Variants in ADAM12 observed in about 807,000 individuals in gnomAD.
ADAM12 encodes the protein disintegrin and metalloproteinase domain-containing protein 12.
ADAM12 carries 70 observed loss-of-function variants against 106.4 expected under a neutral mutation model. The ratio of observed to expected loss-of-function variants is 0.66; its 90% CI spans 0.54 to 0.80. The LOEUF is 0.80. ADAM12 is among the 30% of genes least tolerant of loss of function. ADAM12 has a pLI of 0.00. For missense variants in ADAM12, 1,010 were observed against 1,171.9 expected, an observed-to-expected ratio of 0.86 and a Z score of 2.02; for synonymous variants, 420 against 433.5, an observed-to-expected ratio of 0.97 and a Z score of 0.39.
chr10:126,136,781 TGAAAG>T (rs1282542230), intron 4 of ADAM12, among the ~76,000 whole-genome samples: 5 of 152,174 alleles, frequency 3.3e-5, no homozygotes, highest in African/African-American at 9.6e-5. Context: ...TAAAAGGCGA[TGAAAG>T]GAGGGTGATA....
intron 11 of ADAM12, among the ~76,000 whole-genome samples, chr10:126,083,758 C>CA (rs1256724361): frequency 2.0e-5 from 3 of 152,246 alleles, no homozygotes; most frequent in Non-Finnish European, 4.4e-5. Context: ...GACTCCTCCT[C>CA]ATGGTGTGAT....
In ADAM12 at chr10:126,066,844, T is replaced by C; in HGVS notation, c.1324-38A>G. The C allele has an allele frequency of 2.5e-6, 4 of 1,582,510 alleles. No individual in the cohort carries two copies. The highest frequency in any genetic ancestry group is 3.5e-6 in the Non-Finnish European group (4 of 1,151,976). ...ATGGCATTTGTTTGACAGGGTCTTA[T>C]GGAGTATGCACTCACTGAATGCAAA... On this transcript the variant is annotated intron_variant, in intron 12 of 22. Transcript: ENST00000448723. The surrounding 1 kb of genome is among the most constrained non-coding windows in gnomAD (Gnocchi z 5.1).
intron 1 of ADAM12, among the ~76,000 whole-genome samples, chr10:126,364,010 C>T (rs1287294349): frequency 6.6e-6 from 1 of 151,984 alleles, no homozygotes; most frequent in Non-Finnish European, 1.5e-5. Context: ...AGGGGAAATC[C>T]ATGAATGAAT....
In ADAM12 at chr10:126,236,567, G is replaced by A. The variant is rs572058972; in HGVS notation, c.260+42348C>T. Among the ~76,000 whole-genome samples the A allele has an allele frequency of 5.3e-5, 8 of 152,278 alleles. No homozygotes were observed. The East Asian group carries it at 7.7e-4, about 15-fold the overall frequency. On this transcript the variant is annotated intron_variant, in intron 3 of 22. Coordinates refer to ENST00000448723, the MANE Select transcript of ADAM12 (RefSeq NM_001288973.2). ...AAAGGAAAGCAAGCACGGCTCTGCG[G>A]GGGGAGCTGAATGAGCACTCACAGG... is the stretch of plus-strand genomic sequence containing the variant.
At position 126,155,237 on chromosome 10, in the gene ADAM12, C is replaced by T. The variant is rs745765822; in HGVS notation, c.329G>A (p.Arg110Gln). 8.1e-6 allele frequency: 13 copies of T among 1,613,890 alleles called. No individual in the cohort carries two copies. The highest frequency in any genetic ancestry group is 2.2e-5 in the East Asian group (1 of 44,898). Residue 110 changes from arginine to glutamine, a missense_variant, in exon 4 of 23, where the codon CGA becomes CAA. Arg to Gln is a conservative substitution (Grantham distance 43, BLOSUM62 1). Transcript: ENST00000448723. ...ACGTGCCAGAATTACCGTGTAATTT[C>T]GAGCGAGGGAGACATCAGTACCGTC... Reference protein sequence around the residue: ...LQDGTDVSLARNYTGHCYYHG... With the variant: ...LQDGTDVSLAQNYTGHCYYHG...
At chr10:126,279,749 G>A (rs1959470885) in intron 2 of ADAM12, among the ~76,000 whole-genome samples, 1 of 151,598 alleles carries the variant, frequency 6.6e-6, no homozygotes, top group Non-Finnish European at 1.5e-5. Context: ...AAAAGAAGAA[G>A]AAGACAAGAG....
At chr10:126,339,055 A>C (rs1425472234) in intron 1 of ADAM12, among the ~76,000 whole-genome samples, 1 of 152,124 alleles carries the variant, frequency 6.6e-6, no homozygotes, top group African/African-American at 2.4e-5. Flanking sequence ...GCACTCTGTG[A>C]TTCTGGATTT....
intron 14 of ADAM12, among the ~76,000 whole-genome samples, chr10:126,057,814 G>C (rs777604462): frequency 1.3e-5 from 2 of 152,196 alleles, no homozygotes; most frequent in African/African-American, 2.4e-5. Context: ...TGTGGGGTAG[G>C]AGACACAGGG....
At chr10:126,023,899 G>T (rs1324792648) in intron 21 of ADAM12, among the ~76,000 whole-genome samples, 1 of 127,838 alleles carries the variant, frequency 7.8e-6, no homozygotes, top group African/African-American at 3.0e-5. Context: ...TTAAAAAAGT[G>T]AACTCATGGA....
At chr10:126,041,414 A>C (rs763226759) in intron 18 of ADAM12, 1 of 985,570 alleles carries the variant, frequency 1.0e-6, no homozygotes, top group Non-Finnish European at 1.2e-6. Context: ...CATTGTTTTC[A>C]CTTTTTAACA....
intron 11 of ADAM12, among the ~76,000 whole-genome samples, chr10:126,090,337 G>T (rs1590395275): frequency 1.4e-5 from 2 of 146,022 alleles, no homozygotes; most frequent in African/African-American, 2.5e-5. Flanking sequence ...AAAGGAATCT[G>T]TAAGAGTCAT....
At chr10:126,039,542 A>C in intron 18 of ADAM12, 113 bp from the exon 19 acceptor site, 1 of 1,318,666 alleles carries the variant, frequency 7.6e-7, no homozygotes, top group African/African-American at 1.5e-5. Context: ...AAATGAAGAG[A>C]GTACACCCGT....
At chr10:126,020,336 A>G (rs2292693) in intron 21 of ADAM12, among the ~76,000 whole-genome samples, 88,830 of 152,016 alleles carry the variant, frequency 0.58, 27,410 homozygotes, top group Non-Finnish European at 0.68. Context: ...TCCGCGAAAT[A>G]CACTGAAGTT....
intron 10 of ADAM12, among the ~76,000 whole-genome samples, chr10:126,094,739 A>G (rs1204065415): frequency 6.6e-6 from 1 of 152,188 alleles, no homozygotes; most frequent in East Asian, 1.9e-4. Flanking sequence ...TTAAGATTAT[A>G]AACCAGCTAT....
chr10:126,216,688 A>G (rs995589388), intron 3 of ADAM12, among the ~76,000 whole-genome samples: 1 of 152,234 alleles, frequency 6.6e-6, no homozygotes, highest in Non-Finnish European at 1.5e-5. Flanking sequence ...GGTTTTGACC[A>G]TTTGGAATGT....
At position 126,118,168 on chromosome 10, in the gene ADAM12, G is replaced by T; in HGVS notation, c.473C>A (p.Thr158Asn). The change falls in exon 6 of 23, where the codon ACC becomes AAC. Residue 158 changes from threonine to asparagine, a missense_variant. By Grantham distance (65) the Thr-to-Asn change is moderately conservative. Around this residue, in one of 3 missense-constraint regions of ADAM12, gnomAD observed 391 missense variants for 442.9 expected, o/e 0.88. Coordinates refer to ENST00000448723, the MANE Select transcript of ADAM12 (RefSeq NM_001288973.2). ...SYVLEPMKSA[T>N]NRYKLFPAKK... is the part of the protein sequence containing the mutation. ...CGCTGGGAAGAGTTTGTATCTGTTG[G>T]TTGCACTTTTCATTGGTTCTAAGAC... 1 of 1,614,126 alleles carries T rather than the reference G, an allele frequency of 6.2e-7. No homozygotes were observed.
At chr10:126,120,766 C>A (rs796237602) in intron 5 of ADAM12, among the ~76,000 whole-genome samples, 5 of 150,508 alleles carry the variant, frequency 3.3e-5, no homozygotes, top group African/African-American at 1.2e-4. Flanking sequence ...TTTTCTGAGC[C>A]CCAACATACA....
intron 11 of ADAM12, among the ~76,000 whole-genome samples, chr10:126,093,260 A>C (rs575587085): frequency 1.3e-5 from 2 of 152,328 alleles, no homozygotes; most frequent in East Asian, 3.9e-4. Context: ...TTATAGATAT[A>C]AGAACACATC....
intron 1 of ADAM12, among the ~76,000 whole-genome samples, chr10:126,346,562 A>G (rs1288698351): frequency 1.3e-5 from 2 of 152,178 alleles, no homozygotes; most frequent in Non-Finnish European, 2.9e-5. Flanking sequence ...GCTGAGTTCA[A>G]TCCCTGGATA....
Sources: allele counts gnomAD v4.1 joint callset (sites outside exome capture counted in the v4.1 genomes callset), GRCh38; gene constraint gnomAD v4.1.1; regional missense constraint gnomAD v4.1.1; non-coding constraint Gnocchi (gnomAD v3.1); transcripts MANE v1.5; gene names NCBI Gene and HGNC (gene_info 2026-07-23, HGNC 2026-07-21).